KLRG1: variants seen among roughly 807,000 people sequenced by gnomAD.
The protein encoded by KLRG1 is killer cell lectin like receptor G1, also known as killer cell lectin-like receptor subfamily G member 1.
KLRG1 carries 16 observed loss-of-function variants against 21.8 expected under a neutral mutation model. The observed-to-expected ratio is 0.73, with a 90% CI of 0.50 to 1.11. The LOEUF (loss-of-function observed/expected upper bound fraction) is 1.11. Ranked by LOEUF, KLRG1 falls within the 50% of genes most tolerant of loss-of-function variation. KLRG1 has a pLI of 0.00. For synonymous variants in KLRG1, 69 were observed against 75.9 expected, an observed-to-expected ratio of 0.91 and a Z score of 0.47; for missense variants, 173 against 218.3, an observed-to-expected ratio of 0.79 and a Z score of 1.31.
chr12:9,104,664 A>G, the KLRG1 span, among the ~76,000 whole-genome samples: 3 of 152,190 alleles, frequency 2.0e-5, no homozygotes, highest in Middle Eastern at 6.4e-3. Flanking sequence ...GTGTGAAGGG[A>G]TAGAGAGTGA....
chr12:9,127,198 C>T, the KLRG1 span, among the ~76,000 whole-genome samples: 4 of 152,174 alleles, frequency 2.6e-5, 1 homozygote, highest in African/African-American at 4.8e-5. Flanking sequence ...ACATTTTTGC[C>T]GTCTGGGTTG....
At chr12:9,021,702 C>CT in the KLRG1 span, among the ~76,000 whole-genome samples, 66 of 151,900 alleles carry the variant, frequency 4.3e-4, no homozygotes, top group Middle Eastern at 3.4e-3. Flanking sequence ...AATTTTTAAA[C>CT]TTTTTTTTAA....
At chr12:9,200,854 C>T in the KLRG1 span, 1 of 1,583,952 alleles carries the variant, frequency 6.3e-7, no homozygotes, top group Non-Finnish European at 8.6e-7. Flanking sequence ...CTCTAGGAAC[C>T]AAAATGTTAT....
chr12:9,194,527 C>T, the KLRG1 span, among the ~76,000 whole-genome samples: 23 of 145,370 alleles, frequency 1.6e-4, no homozygotes, highest in South Asian at 4.3e-4. Flanking sequence ...TGCAGTGGCG[C>T]GATCTCGGCT....
intron 1 of KLRG1, among the ~76,000 whole-genome samples, chr12:8,979,443 C>G (rs1251576518): frequency 5.3e-5 from 8 of 152,166 alleles, no homozygotes; most frequent in Non-Finnish European, 1.2e-4. Context: ...GAGAAATCTA[C>G]TGATAGTCTT....
At chr12:9,032,757 C>T in the KLRG1 span, among the ~76,000 whole-genome samples, 1 of 152,086 alleles carries the variant, frequency 6.6e-6, no homozygotes, top group African/African-American at 2.4e-5. Flanking sequence ...AGACTGTTAA[C>T]GTTTCTCATG....
chr12:8,951,667 A>G (rs1946208332), intron 1 of KLRG1, among the ~76,000 whole-genome samples: 1 of 152,232 alleles, frequency 6.6e-6, no homozygotes. Context: ...TGCCAAAACC[A>G]CAGAATATAT....
At chr12:9,101,709 T>C in the KLRG1 span, 1 of 1,472,684 alleles carries the variant, frequency 6.8e-7, no homozygotes, top group Admixed American at 1.9e-5. Flanking sequence ...ATTTTTAGAT[T>C]ATACGTCATA....
chr12:9,067,845 A>C, the KLRG1 span: 1 of 1,612,032 alleles, frequency 6.2e-7, no homozygotes, highest in Non-Finnish European at 8.5e-7. Flanking sequence ...AAGATCTGTG[A>C]CATTGGAAAG....
chr12:9,172,078 A>G, the KLRG1 span, among the ~76,000 whole-genome samples: 1 of 152,188 alleles, frequency 6.6e-6, no homozygotes, highest in Non-Finnish European at 1.5e-5. Flanking sequence ...AACCATGTTA[A>G]GGACACCTAG....
the KLRG1 span, among the ~76,000 whole-genome samples, chr12:9,195,156 G>A: frequency 4.6e-5 from 7 of 151,984 alleles, no homozygotes; most frequent in African/African-American, 7.2e-5. Flanking sequence ...ATGCTGATTG[G>A]ATCTTCAAAA....
chr12:9,207,691 A>G, the KLRG1 span, among the ~76,000 whole-genome samples: 1 of 152,202 alleles, frequency 6.6e-6, no homozygotes, highest in Non-Finnish European at 1.5e-5. Flanking sequence ...AGTTTTCTCT[A>G]TTAGGAGTTA....
chr12:9,117,395 T>G, the KLRG1 span, among the ~76,000 whole-genome samples: 3 of 152,140 alleles, frequency 2.0e-5, no homozygotes, highest in South Asian at 2.1e-4. Flanking sequence ...TGATGGCATT[T>G]TGAACTATGG....
At chr12:9,208,914 A>T in the KLRG1 span, among the ~76,000 whole-genome samples, 1 of 152,216 alleles carries the variant, frequency 6.6e-6, no homozygotes, top group Non-Finnish European at 1.5e-5. Flanking sequence ...GAGATTTTAG[A>T]AAGGAGTTAT....
chr12:9,112,289 C>G, the KLRG1 span: 1 of 1,605,830 alleles, frequency 6.2e-7, no homozygotes, highest in African/African-American at 1.3e-5. Flanking sequence ...ATTAAGGAAC[C>G]AAGATTATAG....
intron 1 of KLRG1, among the ~76,000 whole-genome samples, chr12:8,957,167 G>A (rs1946309090): frequency 6.6e-6 from 1 of 152,228 alleles, no homozygotes; most frequent in East Asian, 1.9e-4. Context: ...GTATGTATCA[G>A]TAGTAGGTTT....
rs774896657 is a variant in KLRG1 at position 8,989,602 on chromosome 12, T to C, written c.-34T>C. 2.2e-6 allele frequency: 3 copies of C among 1,370,914 alleles called. No homozygotes were observed. The highest frequency in any genetic ancestry group is 3.1e-6 in the Non-Finnish European group (3 of 963,752). 84.9% of individuals were successfully genotyped at this position (1,370,914 alleles called of 1,614,324 possible). ...TCCCTTCACACTTCTATAATTTAACTCTCTCAACTGCATGTGAAAGATCTT... is the reference window on the plus strand; with the variant it reads ...TCCCTTCACACTTCTATAATTTAACCCTCTCAACTGCATGTGAAAGATCTT... On this transcript the variant is annotated 5_prime_UTR_variant, in exon 1 of 5. Coordinates refer to ENST00000356986, the MANE Select transcript of KLRG1 (RefSeq NM_005810.4).
At position 8,955,651 on chromosome 12, in the gene KLRG1, C is replaced by A. The variant is rs759233854; in HGVS notation, c.-156+5415C>A. 2.6e-5 allele frequency among the ~76,000 whole-genome samples: 4 copies of A among 151,914 alleles called. No homozygotes were observed. In the South Asian group the frequency reaches 8.3e-4, roughly 32 times the overall value. Reference sequence around the variant, plus strand: ...GAGTAATCTTTCCACCTCAGCCTCCCGAAGTGCTGAGATTACAGGCATGAG... The same window carrying A: ...GAGTAATCTTTCCACCTCAGCCTCCAGAAGTGCTGAGATTACAGGCATGAG... On this transcript the variant is annotated intron_variant, in intron 1 of 4. Transcript: ENST00000539240.
At chr12:9,160,442 A>G in the KLRG1 span, 1 of 1,613,996 alleles carries the variant, frequency 6.2e-7, no homozygotes, top group African/African-American at 1.3e-5. Context: ...GCCATATGGC[A>G]TCTGGAGGAG....
Sources: gnomAD v4.1 joint callset for allele counts (sites outside exome capture counted in the v4.1 genomes callset) on GRCh38, gnomAD v4.1.1 for gene constraint, MANE v1.5 for transcripts, NCBI Gene and HGNC (gene_info 2026-07-23, HGNC 2026-07-21) for gene names.